KAZN: variants seen among roughly 807,000 people sequenced by gnomAD.
KAZN encodes the protein kazrin, periplakin interacting protein, also known as kazrin.
In KAZN, 40 loss-of-function variants were observed where a neutral mutation model predicts 87.4. The ratio of observed to expected loss-of-function variants is 0.46; its 90% CI spans 0.36 to 0.60. The LOEUF (loss-of-function observed/expected upper bound fraction) is 0.60. KAZN is among the 20% of genes least tolerant of loss of function. The probability of loss-of-function intolerance (pLI) is 0.00; values close to 1 mark genes in which losing one functional copy is unlikely to be tolerated. For missense variants in KAZN, 898 were observed against 1,073.9 expected, an observed-to-expected ratio of 0.84 and a Z score of 2.29; for synonymous variants, 466 against 458.3, an observed-to-expected ratio of 1.02 and a Z score of -0.22.
intron 1 of KAZN, among the ~76,000 whole-genome samples, chr1:14,120,680 T>C (rs550743682): frequency 5.3e-5 from 8 of 152,216 alleles, no homozygotes; most frequent in African/African-American, 1.9e-4. Flanking sequence ...GGAAGATTCT[T>C]TGGAGGGGAT....
At chr1:14,025,012 A>G (rs1641007049) in intron 1 of KAZN, among the ~76,000 whole-genome samples, 1 of 152,262 alleles carries the variant, frequency 6.6e-6, no homozygotes, top group African/African-American at 2.4e-5. Flanking sequence ...AGGTCAGATC[A>G]AAGCACATCT....
At chr1:14,050,411 T>A (rs975176676) in intron 1 of KAZN, among the ~76,000 whole-genome samples, 2 of 152,188 alleles carry the variant, frequency 1.3e-5, no homozygotes, top group African/African-American at 4.8e-5. Context: ...GAGGTTTAAT[T>A]GACTCACAGT....
chr1:14,602,619 G>C (rs765217381), intron 1 of KAZN, among the ~76,000 whole-genome samples: 3 of 152,208 alleles, frequency 2.0e-5, no homozygotes, highest in Non-Finnish European at 4.4e-5. Context: ...AATGCTTGCT[G>C]TTCTTTGAGG....
rs140892171 is a variant in KAZN, at chr1:14,807,665, A to G, written c.227-153019A>G. Among the ~76,000 whole-genome samples the G allele has an allele frequency of 1.3e-3, 203 of 152,208 alleles. 2 individuals carry two copies. Among genetic ancestry groups the G allele is most frequent in the African/African-American group, 4.8e-3 (199 of 41,530 alleles). On this transcript the variant is annotated intron_variant, in intron 1 of 14. Coordinates refer to ENST00000376030, the MANE Select transcript of KAZN (RefSeq NM_201628.3). ...GCACCTGTGGTCCCAGCTACTCAGGAGGCTGAGATAGTAGGATCATCTCAT... is the reference window on the plus strand; with the variant it reads ...GCACCTGTGGTCCCAGCTACTCAGGGGGCTGAGATAGTAGGATCATCTCAT...
chr1:14,991,835 T>G (rs950060411), intron 2 of KAZN, among the ~76,000 whole-genome samples: 3 of 152,212 alleles, frequency 2.0e-5, no homozygotes, highest in African/African-American at 7.2e-5. Flanking sequence ...CCACTGATGC[T>G]CTAAACCCCT....
At chr1:14,734,019 C>T (rs1229558721) in intron 1 of KAZN, among the ~76,000 whole-genome samples, 2 of 152,292 alleles carry the variant, frequency 1.3e-5, no homozygotes, top group South Asian at 2.1e-4. Flanking sequence ...TGGATATCTA[C>T]GCCTAACAGG....
At chr1:14,359,159 CTCT>C (rs1193651500) in intron 2 of KAZN, among the ~76,000 whole-genome samples, 1 of 152,084 alleles carries the variant, frequency 6.6e-6, no homozygotes, top group Non-Finnish European at 1.5e-5. Flanking sequence ...TTGAATTGAT[CTCT>C]TTACCAATAT....
At chr1:14,204,623 A>G (rs1382183685) in intron 2 of KAZN, among the ~76,000 whole-genome samples, 2 of 152,258 alleles carry the variant, frequency 1.3e-5, no homozygotes, top group African/African-American at 2.4e-5. Context: ...ATTTAGTCAT[A>G]TGGCCTTAGA....
At chr1:13,947,289 C>T (rs952991794) in intron 1 of KAZN, among the ~76,000 whole-genome samples, 6 of 152,062 alleles carry the variant, frequency 3.9e-5, no homozygotes, top group East Asian at 1.9e-4. Context: ...TCAGCTCTTA[C>T]GGGAACTCAC....
intron 1 of KAZN, among the ~76,000 whole-genome samples, chr1:14,881,936 GT>G (rs1653385125): frequency 6.6e-6 from 1 of 152,170 alleles, no homozygotes; most frequent in African/African-American, 2.4e-5. Context: ...GGAAAGGCCT[GT>G]TCTCTACTCC....
intron 2 of KAZN, among the ~76,000 whole-genome samples, chr1:14,220,522 C>T (rs1418524063): frequency 6.6e-6 from 1 of 152,134 alleles, no homozygotes; most frequent in Non-Finnish European, 1.5e-5. Flanking sequence ...TGGACTTCAT[C>T]CAAACCCAGT....
Position 14,986,145 on chromosome 1 carries a change from G to A in KAZN, c.418+25270G>A, listed in dbSNP as rs371950829. On this transcript the variant is annotated intron_variant, in intron 2 of 14. Coordinates refer to ENST00000376030, the MANE Select transcript of KAZN (RefSeq NM_201628.3). ...ATTTGGGATCCTGGATCGGAGGGGT[G>A]AAAAAGCCATGAAAACCATTAAGGA... Among the ~76,000 whole-genome samples the A allele has an allele frequency of 2.0e-4, 31 of 151,590 alleles. 1 individual carries two copies. The highest frequency in any genetic ancestry group is 1.9e-3 in the East Asian group (10 of 5,182).
At chr1:14,682,233 T>G (rs983524739) in intron 1 of KAZN, among the ~76,000 whole-genome samples, 3 of 152,058 alleles carry the variant, frequency 2.0e-5, no homozygotes, top group Admixed American at 2.0e-4. Flanking sequence ...ATTGTTCTTT[T>G]GTGACTGTCT....
In KAZN at chr1:14,068,079, C is replaced by T. The variant is rs74057009; in HGVS notation, c.92-112356C>T. Reference sequence around the variant, plus strand: ...CCTGGATTTAGGGGTAGGTGGAGCCCGCCTTAACTGCTGGCAAGAGTGAGG... The same window carrying T: ...CCTGGATTTAGGGGTAGGTGGAGCCTGCCTTAACTGCTGGCAAGAGTGAGG... On this transcript the variant is annotated intron_variant, in intron 1 of 16. Coordinates refer to the KAZN transcript ENST00000636203. Among the ~76,000 whole-genome samples, 820 of 152,156 alleles carry T rather than the reference C, an allele frequency of 5.4e-3. 3 individuals are homozygous for T. Among genetic ancestry groups the T allele is most frequent in the African/African-American group, 0.019 (784 of 41,498 alleles).
At chr1:14,108,058 C>A (rs12143806) in intron 1 of KAZN, among the ~76,000 whole-genome samples, 1 of 151,962 alleles carries the variant, frequency 6.6e-6, no homozygotes, top group Non-Finnish European at 1.5e-5. Flanking sequence ...TCCACATTGC[C>A]CTGTTACCCT....
At chr1:14,907,194 G>A (rs549100117) in intron 1 of KAZN, among the ~76,000 whole-genome samples, 4 of 151,634 alleles carry the variant, frequency 2.6e-5, no homozygotes, top group Non-Finnish European at 5.9e-5. Flanking sequence ...TCAGGAGTTC[G>A]AGACCAGCCT....
chr1:14,469,258 T>A (rs1040685896), intron 2 of KAZN, among the ~76,000 whole-genome samples: 2 of 152,208 alleles, frequency 1.3e-5, no homozygotes, highest in African/African-American at 4.8e-5. Context: ...ACGTATAAAG[T>A]GTTCCAATAG....
At chr1:14,417,608 T>C (rs1213623654) in intron 2 of KAZN, among the ~76,000 whole-genome samples, 1 of 152,182 alleles carries the variant, frequency 6.6e-6, no homozygotes, top group Non-Finnish European at 1.5e-5. Flanking sequence ...AGGTGGCTAC[T>C]GTACGCACAG....
chr1:14,972,597 C>CGG, intron 2 of KAZN, among the ~76,000 whole-genome samples: 1 of 151,840 alleles, frequency 6.6e-6, no homozygotes, highest in Non-Finnish European at 1.5e-5. Context: ...CTCACTGCAA[C>CGG]CCTGCCTCCC....
Sources: allele counts gnomAD v4.1 joint callset (sites outside exome capture counted in the v4.1 genomes callset), GRCh38; gene constraint gnomAD v4.1.1; transcripts MANE v1.5; gene names NCBI Gene and HGNC (gene_info 2026-07-23, HGNC 2026-07-21).